The following GABPB1 variants were observed in gnomAD, a reference collection of about 807,000 sequenced individuals.
GABPB1 encodes GA binding protein transcription factor subunit beta 1.
In GABPB1, 15 loss-of-function variants were observed where a neutral mutation model predicts 45.9. The observed-to-expected ratio is 0.33, with a 90% CI of 0.22 to 0.50. The LOEUF (loss-of-function observed/expected upper bound fraction) is 0.50. Among genes scored for constraint, GABPB1 ranks in the 20% least tolerant of loss-of-function variants. GABPB1 has a pLI of 0.98. For synonymous variants in GABPB1, 143 were observed against 154.4 expected, an observed-to-expected ratio of 0.93 and a Z score of 0.55; for missense variants, 252 against 457.5, an observed-to-expected ratio of 0.55 and a Z score of 4.10.
At chr15:50,346,361 T>A (rs114417395) in intron 1 of GABPB1, 1 of 152,134 alleles carries the variant, frequency 6.6e-6, no homozygotes, top group Non-Finnish European at 1.5e-5. Flanking sequence ...GAAATCTTCA[T>A]AATTACTCAC....
intron 1 of GABPB1, chr15:50,351,698 A>G (rs904458983): frequency 2.6e-5 from 4 of 151,660 alleles, no homozygotes; most frequent in Non-Finnish European, 5.9e-5. Context: ...GGAGACAGAA[A>G]GGTGCACTAG....
At chr15:50,329,121 C>T (rs953871981) in intron 1 of GABPB1, among the ~76,000 whole-genome samples, 2 of 152,122 alleles carry the variant, frequency 1.3e-5, no homozygotes, top group African/African-American at 2.4e-5. Context: ...TTACGCATGT[C>T]CCCTGCTCCA....
intron 1 of GABPB1, among the ~76,000 whole-genome samples, chr15:50,331,782 G>A (rs2047955620): frequency 6.6e-6 from 1 of 152,080 alleles, no homozygotes; most frequent in Non-Finnish European, 1.5e-5. Flanking sequence ...GTGGTTATTA[G>A]ACAATTTACC....
intron 6 of GABPB1, among the ~76,000 whole-genome samples, chr15:50,292,713 T>C (rs1274214784): frequency 6.6e-6 from 1 of 152,178 alleles, no homozygotes. Flanking sequence ...TTGATGTTTT[T>C]AGAAAATAAA....
chr15:50,328,608 TA>T (rs1397987954), intron 1 of GABPB1, among the ~76,000 whole-genome samples: 3 of 152,222 alleles, frequency 2.0e-5, no homozygotes, highest in Non-Finnish European at 4.4e-5. Context: ...CTAAGAATAA[TA>T]GCTAGGTTAG....
intron 1 of GABPB1, among the ~76,000 whole-genome samples, chr15:50,310,875 GC>G (rs912593970): frequency 6.6e-6 from 1 of 151,766 alleles, no homozygotes; most frequent in African/African-American, 2.4e-5. Context: ...TACTCAGGAG[GC>G]TGAGGCACAA....
At chr15:50,282,563 A>AAAAAAAAAAAAAAAAAAC (rs1222633505) in intron 8 of GABPB1, among the ~76,000 whole-genome samples, 1 of 149,812 alleles carries the variant, frequency 6.7e-6, no homozygotes, top group African/African-American at 2.5e-5. Flanking sequence ...TAAAAAAGAA[A>AAAAAAAAAAAAAAAAAAC]AAAAAAAAAA....
chr15:50,348,279 G>C (rs1209690342), intron 1 of GABPB1, among the ~76,000 whole-genome samples: 1 of 152,014 alleles, frequency 6.6e-6, no homozygotes, highest in Non-Finnish European at 1.5e-5. Flanking sequence ...TTTGGAGACA[G>C]AATCTTGCTC....
At chr15:50,297,270 T>C (rs2046554568) in intron 6 of GABPB1, among the ~76,000 whole-genome samples, 2 of 150,892 alleles carry the variant, frequency 1.3e-5, no homozygotes, top group African/African-American at 4.9e-5. Flanking sequence ...TGGGGTGCAG[T>C]GGCACAATCT....
At chr15:50,336,468 C>T (rs1320820455) in intron 1 of GABPB1, among the ~76,000 whole-genome samples, 8 of 151,666 alleles carry the variant, frequency 5.3e-5, no homozygotes, top group Non-Finnish European at 1.2e-4. Context: ...CCGAGGCAGG[C>T]GGATTGCTTA....
chr15:50,278,397 T>A lies in GABPB1; in HGVS notation c.*235A>T. The A allele has an allele frequency of 3.2e-6, 1 of 316,590 alleles. No homozygotes were observed. The highest frequency in any genetic ancestry group is 5.7e-6 in the Non-Finnish European group (1 of 174,450). The allele number at this position is 316,590 out of a possible 1,614,324, so 19.6% of individuals were successfully genotyped here. On this transcript the variant is annotated 3_prime_UTR_variant, in exon 9 of 9. Transcript: ENST00000380877. ...CTCTTCAACAATCTTTATCAACTCA[T>A]TTGGAACTGTAAAAAAAAAAAAACT...
chr15:50,309,917 G>C (rs890937055), intron 1 of GABPB1, 119 bp from the exon 2 acceptor site: 1 of 568,562 alleles, frequency 1.8e-6, no homozygotes, highest in Admixed American at 3.3e-5. Context: ...AAAAGAGTGT[G>C]CTATGGTTAA....
chr15:50,332,244 A>G (rs560423201), intron 1 of GABPB1, among the ~76,000 whole-genome samples: 43 of 151,910 alleles, frequency 2.8e-4, no homozygotes, highest in Middle Eastern at 3.4e-3. Flanking sequence ...TTAGCATTCT[A>G]TTTATTTCCT....
chr15:50,315,471 A>C (rs1264629864), intron 1 of GABPB1, among the ~76,000 whole-genome samples: 1 of 152,238 alleles, frequency 6.6e-6, no homozygotes, highest in Non-Finnish European at 1.5e-5. Context: ...GGGGCAATAC[A>C]AAATATTTAT....
intron 2 of GABPB1, among the ~76,000 whole-genome samples, chr15:50,308,809 T>C (rs575049319): frequency 6.6e-6 from 1 of 152,186 alleles, no homozygotes; most frequent in Non-Finnish European, 1.5e-5. Context: ...CTTTATTCTT[T>C]AAAGATTTAT....
intron 1 of GABPB1, among the ~76,000 whole-genome samples, chr15:50,333,605 C>A (rs1016156436): frequency 2.0e-5 from 3 of 152,146 alleles, no homozygotes; most frequent in Non-Finnish European, 4.4e-5. Context: ...TTGTTTTTAT[C>A]TGAAAATATC....
Position 50,275,705 on chromosome 15 carries a change from C to A in GABPB1, c.*2927G>T, listed in dbSNP as rs1295382491. The stretch of plus-strand genomic sequence containing the variant: ...AAGAACTCTTCTGCCATTCATATCA[C>A]AAAAGATTGATGTTAAGAAAATAAT... On this transcript the variant is annotated 3_prime_UTR_variant, in exon 9 of 9. Transcript: ENST00000380877. 2 of 152,134 alleles carry A rather than the reference C, an allele frequency of 1.3e-5. No homozygotes were observed. Among genetic ancestry groups the A allele is most frequent in the African/African-American group, 4.8e-5 (2 of 41,422 alleles). 9.4% of individuals were successfully genotyped at this position (152,134 alleles called of 1,614,324 possible).
chr15:50,340,475 T>G (rs1369145313), intron 1 of GABPB1, among the ~76,000 whole-genome samples: 1 of 148,288 alleles, frequency 6.7e-6, no homozygotes, highest in African/African-American at 2.5e-5. Flanking sequence ...TGGCCCACCC[T>G]GGACCCACAA....
At chr15:50,323,897 A>C (rs1419288675) in intron 1 of GABPB1, among the ~76,000 whole-genome samples, 2 of 152,124 alleles carry the variant, frequency 1.3e-5, no homozygotes, top group Non-Finnish European at 2.9e-5. Context: ...TAAATAAATA[A>C]ATAAAATTTA....
Sources: allele counts gnomAD v4.1 joint callset (sites outside exome capture counted in the v4.1 genomes callset), GRCh38; gene constraint gnomAD v4.1.1; transcripts MANE v1.5; gene names NCBI Gene and HGNC (gene_info 2026-07-23, HGNC 2026-07-21).